GRM5: variants seen among roughly 807,000 people sequenced by gnomAD.
The protein encoded by GRM5 is glutamate metabotropic receptor 5.
Under a neutral mutation model 83.1 loss-of-function variants are expected in GRM5, and 19 were observed. The ratio of observed to expected loss-of-function variants is 0.23; its 90% CI spans 0.16 to 0.34. GRM5 has a LOEUF of 0.34. Among genes scored for constraint, GRM5 ranks in the 10% least tolerant of loss-of-function variants. The probability of loss-of-function intolerance (pLI) is 1.00; values close to 1 mark genes in which losing one functional copy is unlikely to be tolerated. For synonymous variants in GRM5, 675 were observed against 633.6 expected (o/e 1.07, Z -0.98); for missense variants, 1,160 against 1,588.3 (o/e 0.73, Z 4.58).
intron 3 of GRM5, among the ~76,000 whole-genome samples, chr11:88,842,452 T>G (rs1944220579): frequency 6.6e-6 from 1 of 152,218 alleles, no homozygotes; most frequent in East Asian, 1.9e-4. Context: ...TCTTAGCTAC[T>G]TCATTGTTAA....
At chr11:88,534,609 C>T (rs1942093470) in intron 8 of GRM5, among the ~76,000 whole-genome samples, 1 of 152,144 alleles carries the variant, frequency 6.6e-6, no homozygotes, top group Admixed American at 6.5e-5. Context: ...AAAGGAGTTG[C>T]CTTGTCTTGG....
intron 3 of GRM5, among the ~76,000 whole-genome samples, chr11:88,791,057 C>T (rs1165362731): frequency 2.6e-5 from 4 of 152,106 alleles, no homozygotes; most frequent in Non-Finnish European, 4.4e-5. Context: ...AGTCTGCAAA[C>T]AGTGACAGTG....
intron 4 of GRM5, among the ~76,000 whole-genome samples, chr11:88,641,199 T>C (rs796222019): frequency 3.3e-5 from 5 of 151,906 alleles, no homozygotes; most frequent in African/African-American, 1.2e-4. Flanking sequence ...CTGGGACAAG[T>C]GCCACACTTT....
At chr11:88,894,366 C>T (rs563119722) in intron 2 of GRM5, among the ~76,000 whole-genome samples, 1 of 152,114 alleles carries the variant, frequency 6.6e-6, no homozygotes, top group South Asian at 2.1e-4. Context: ...TCTTTCTCTT[C>T]TCTTCTGCCT....
At chr11:88,661,032 G>A (rs149109416) in intron 3 of GRM5, among the ~76,000 whole-genome samples, 1 of 152,260 alleles carries the variant, frequency 6.6e-6, no homozygotes, top group African/African-American at 2.4e-5. Flanking sequence ...TGGATATAGT[G>A]GTGAACAAGG....
At chr11:88,789,643 A>G (rs911492190) in intron 3 of GRM5, among the ~76,000 whole-genome samples, 4 of 152,138 alleles carry the variant, frequency 2.6e-5, no homozygotes, top group African/African-American at 9.7e-5. Context: ...CCATATTAAA[A>G]ATGCAAAGGA....
At chr11:89,017,788 G>C (rs1940896013) in intron 2 of GRM5, among the ~76,000 whole-genome samples, 1 of 152,132 alleles carries the variant, frequency 6.6e-6, no homozygotes, top group Non-Finnish European at 1.5e-5. Flanking sequence ...TATTCCAGAA[G>C]GAAAATAAGA....
At chr11:88,613,782 A>G (rs1482911297) in intron 4 of GRM5, among the ~76,000 whole-genome samples, 1 of 152,170 alleles carries the variant, frequency 6.6e-6, no homozygotes, top group East Asian at 1.9e-4. Context: ...CATGAAGACC[A>G]CCATGATTGC....
intron 5 of GRM5, among the ~76,000 whole-genome samples, chr11:88,598,712 A>G (rs1937890271): frequency 6.6e-6 from 1 of 152,192 alleles, no homozygotes; most frequent in Non-Finnish European, 1.5e-5. Context: ...TATGAGCTTT[A>G]AGTATTCAAA....
intron 2 of GRM5, among the ~76,000 whole-genome samples, chr11:88,971,252 T>A (rs1269986337): frequency 6.6e-6 from 1 of 152,212 alleles, no homozygotes; most frequent in Non-Finnish European, 1.5e-5. Context: ...ATATTATTTG[T>A]ATACATAGAT....
At chr11:88,711,501 C>A (rs1941279277) in intron 3 of GRM5, among the ~76,000 whole-genome samples, 1 of 152,202 alleles carries the variant, frequency 6.6e-6, no homozygotes, top group East Asian at 1.9e-4. Flanking sequence ...AAATCCTTTG[C>A]CTTCTAGCAC....
chr11:89,050,982 A>G (rs922075438), intron 1 of GRM5, among the ~76,000 whole-genome samples: 6 of 152,154 alleles, frequency 3.9e-5, no homozygotes, highest in African/African-American at 1.4e-4. Flanking sequence ...AGGATCAGGA[A>G]AGATAACCGG....
intron 3 of GRM5, among the ~76,000 whole-genome samples, chr11:88,749,064 C>A: frequency 6.6e-6 from 1 of 152,274 alleles, no homozygotes. Context: ...CAACACCTCT[C>A]GAGCAAGGAC....
intron 2 of GRM5, among the ~76,000 whole-genome samples, chr11:88,854,833 G>A (rs1944445264): frequency 6.6e-6 from 1 of 151,722 alleles, no homozygotes; most frequent in South Asian, 2.1e-4. Context: ...GCTAACCTAG[G>A]AAAAATGTTT....
intron 2 of GRM5, among the ~76,000 whole-genome samples, chr11:88,877,775 A>C (rs1379717493): frequency 6.6e-6 from 1 of 151,102 alleles, no homozygotes; most frequent in Non-Finnish European, 1.5e-5. Context: ...GATTGCAATG[A>C]GCCAATATGC....
chr11:88,760,290 T>G (rs967562019), intron 3 of GRM5, among the ~76,000 whole-genome samples: 1 of 151,720 alleles, frequency 6.6e-6, no homozygotes, highest in Non-Finnish European at 1.5e-5. Flanking sequence ...GGGAGTTGGT[T>G]TTTTCAGAAA....
intron 3 of GRM5, among the ~76,000 whole-genome samples, chr11:88,763,945 A>G (rs938197746): frequency 2.6e-5 from 4 of 151,746 alleles, no homozygotes; most frequent in Admixed American, 2.6e-4. Flanking sequence ...GAACAAAACA[A>G]TTGATCCAAA....
At chr11:88,755,471 C>G (rs1468018056) in intron 3 of GRM5, among the ~76,000 whole-genome samples, 1 of 152,070 alleles carries the variant, frequency 6.6e-6, no homozygotes, top group African/African-American at 2.4e-5. Context: ...TTTAAGTGAA[C>G]AGTGTCCTAT....
At chr11:89,021,538 G>T (rs1652807192) in intron 2 of GRM5, among the ~76,000 whole-genome samples, 1 of 152,182 alleles carries the variant, frequency 6.6e-6, no homozygotes, top group Non-Finnish European at 1.5e-5. Flanking sequence ...TAACTGCACA[G>T]CTCAGCACAA....
Sources: gnomAD v4.1 joint callset for allele counts (sites outside exome capture counted in the v4.1 genomes callset) on GRCh38, gnomAD v4.1.1 for gene constraint, MANE v1.5 for transcripts, NCBI Gene and HGNC (gene_info 2026-07-23, HGNC 2026-07-21) for gene names.